RAB10: variants seen among roughly 807,000 people sequenced by gnomAD.
RAB10 encodes RAB10, member RAS oncogene family, also known as ras-related protein Rab-10.
A neutral mutation model predicts 25.7 loss-of-function variants in RAB10; 5 were observed. That is an observed-to-expected ratio of 0.19 (90% CI 0.10 to 0.41). The LOEUF is 0.41. RAB10 is among the 10% of genes least tolerant of loss of function. The pLI is 1.00. For missense variants in RAB10, 103 were observed against 245.8 expected, an observed-to-expected ratio of 0.42 and a Z score of 3.89; for synonymous variants, 89 against 86.4, an observed-to-expected ratio of 1.03 and a Z score of -0.16.
chr2:26,033,913 C>T (rs1665694675), upstream of RAB10, among the ~76,000 whole-genome samples: 1 of 152,198 alleles, frequency 6.6e-6, no homozygotes, highest in African/African-American at 2.4e-5. Context: ...GCGGCCTCGC[C>T]CTTTCTCGCC....
At chr2:26,086,025 G>GGA (rs1174537608) in intron 1 of RAB10, among the ~76,000 whole-genome samples, 1 of 136,168 alleles carries the variant, frequency 7.3e-6, no homozygotes, top group Non-Finnish European at 1.6e-5. Context: ...AAAGGGGGGG[G>GGA]GCAAAGGGGC....
At chr2:26,108,134 C>G (rs1179636574) in intron 2 of RAB10, among the ~76,000 whole-genome samples, 1 of 152,176 alleles carries the variant, frequency 6.6e-6, no homozygotes, top group East Asian at 1.9e-4. Flanking sequence ...CCATATTACC[C>G]ATAAATAACA....
chr2:26,064,471 G>T (rs965227587), intron 1 of RAB10, among the ~76,000 whole-genome samples: 4 of 151,862 alleles, frequency 2.6e-5, no homozygotes, highest in Non-Finnish European at 5.9e-5. Context: ...ACAGGGGTGT[G>T]CCACCACGCC....
intron 1 of RAB10, among the ~76,000 whole-genome samples, chr2:26,093,079 A>G (rs1170925527): frequency 6.6e-6 from 1 of 152,162 alleles, no homozygotes; most frequent in East Asian, 1.9e-4. Context: ...GGTTTTGTTG[A>G]AGGTTGGTGT....
intron 1 of RAB10, among the ~76,000 whole-genome samples, chr2:26,038,831 G>T (rs1259000813): frequency 6.6e-6 from 1 of 150,936 alleles, no homozygotes; most frequent in African/African-American, 2.4e-5. Context: ...CTGAGGCAGG[G>T]GAATGGCATG....
At chr2:26,119,751 T>C (rs1667763890) in intron 3 of RAB10, among the ~76,000 whole-genome samples, 1 of 152,196 alleles carries the variant, frequency 6.6e-6, no homozygotes, top group Non-Finnish European at 1.5e-5. Context: ...ATTCTTGGGC[T>C]CAAGCAATCT....
At chr2:26,115,204 C>T (rs1669672018) in intron 3 of RAB10, among the ~76,000 whole-genome samples, 1 of 152,038 alleles carries the variant, frequency 6.6e-6, no homozygotes, top group African/African-American at 2.4e-5. Flanking sequence ...GTTAAACATA[C>T]AGTTACCTTA....
In RAB10 at chr2:26,037,129, A is replaced by C. The variant is rs564473887; in HGVS notation, c.127+2394A>C. Among the ~76,000 whole-genome samples, 6 of 152,272 alleles carry C rather than the reference A, an allele frequency of 3.9e-5. No homozygotes were observed. In the East Asian group the frequency reaches 1.2e-3, roughly 29 times the overall value. On this transcript the variant is annotated intron_variant, in intron 1 of 5. Transcript: ENST00000264710. ...AACAGTGTGGAGTAGGAAGCAAAAC[A>C]TTAACTCTGTCTACTCCAATCTTTT... is the stretch of plus-strand genomic sequence containing the variant.
intron 1 of RAB10, among the ~76,000 whole-genome samples, chr2:26,039,474 G>A (rs1665837663): frequency 6.6e-6 from 1 of 151,622 alleles, no homozygotes; most frequent in Non-Finnish European, 1.5e-5. Flanking sequence ...AGCCTCCCTA[G>A]TAGCTGGGAT....
chr2:26,045,100 AG>A (rs1574525247), intron 1 of RAB10, among the ~76,000 whole-genome samples: 1 of 151,980 alleles, frequency 6.6e-6, no homozygotes, highest in African/African-American at 2.4e-5. Context: ...AGCGCATAAT[AG>A]AGAAGAGCCG....
At chr2:26,095,639 A>G (rs1474777581) in intron 1 of RAB10, among the ~76,000 whole-genome samples, 1 of 150,998 alleles carries the variant, frequency 6.6e-6, no homozygotes, top group East Asian at 1.9e-4. Flanking sequence ...GGTTGGACGC[A>G]GTGGCTCACG....
chr2:26,061,015 C>G (rs1666382107), intron 1 of RAB10, among the ~76,000 whole-genome samples: 2 of 144,204 alleles, frequency 1.4e-5, no homozygotes, highest in Admixed American at 6.9e-5. Flanking sequence ...TATAAAATAA[C>G]TTGATTTGCT....
chr2:26,061,155 C>A (rs904550011), intron 1 of RAB10, among the ~76,000 whole-genome samples: 1 of 139,994 alleles, frequency 7.1e-6, no homozygotes, highest in African/African-American at 2.7e-5. Context: ...GGCTCTGTCA[C>A]CTGGGCTGGA....
chr2:26,135,110 A>G lies in RAB10; in HGVS notation c.*89A>G. The G allele has an allele frequency of 1.9e-6, 2 of 1,039,446 alleles. No homozygotes were observed. Among genetic ancestry groups the G allele is most frequent in the South Asian group, 3.7e-5 (2 of 54,620 alleles). The allele number at this position is 1,039,446 out of a possible 1,614,324, so 64.4% of individuals were successfully genotyped here. A position where few individuals can be genotyped will look rare whatever the true frequency, so the allele number is the denominator to read the frequency against. ...CCACTCTGTCCATTTTTAACTCTAA[A>G]CAGATATTTTTGTTTCTCATCTTAA... On this transcript the variant is annotated 3_prime_UTR_variant, in exon 6 of 6. Transcript: ENST00000264710.
rs1325733722 is a variant in RAB10 at position 26,135,094 on chromosome 2, C to T, written c.*73C>T. On this transcript the variant is annotated 3_prime_UTR_variant, in exon 6 of 6. Coordinates refer to ENST00000264710, the MANE Select transcript of RAB10 (RefSeq NM_016131.5). ...CTTGCTGCAAAATAAACCACTCTGT[C>T]CATTTTTAACTCTAAACAGATATTT... The T allele has an allele frequency of 5.0e-6, 6 of 1,192,296 alleles. No homozygotes were observed. The African/African-American group carries it at 9.2e-5, about 18-fold the overall frequency. 73.9% of individuals were successfully genotyped at this position (1,192,296 alleles called of 1,614,324 possible). A position where few individuals can be genotyped will look rare whatever the true frequency, so the allele number is the denominator to read the frequency against.
At chr2:26,112,635 C>T (rs1209025557) in intron 3 of RAB10, among the ~76,000 whole-genome samples, 1 of 152,106 alleles carries the variant, frequency 6.6e-6, no homozygotes, top group Non-Finnish European at 1.5e-5. Context: ...TGGTGGTGTA[C>T]ACCTGTGGTC....
At chr2:26,117,191 A>C (rs183555718) in intron 3 of RAB10, among the ~76,000 whole-genome samples, 2 of 152,218 alleles carry the variant, frequency 1.3e-5, no homozygotes, top group African/African-American at 4.8e-5. Context: ...AGGGGGAGTT[A>C]TTATATGAAG....
intron 1 of RAB10, among the ~76,000 whole-genome samples, chr2:26,049,326 G>T (rs1337388784): frequency 6.6e-6 from 1 of 151,064 alleles, no homozygotes; most frequent in African/African-American, 2.4e-5. Flanking sequence ...CAGAGATTCT[G>T]TATGACCTGA....
intron 1 of RAB10, among the ~76,000 whole-genome samples, chr2:26,055,116 CA>C (rs1216178815): frequency 4.0e-5 from 6 of 151,686 alleles, no homozygotes; most frequent in African/African-American, 1.5e-4. Context: ...ATATGTTAGG[CA>C]CCCTCTACTA....
Sources: gnomAD v4.1 joint callset for allele counts (sites outside exome capture counted in the v4.1 genomes callset) on GRCh38, gnomAD v4.1.1 for gene constraint, MANE v1.5 for transcripts, NCBI Gene and HGNC (gene_info 2026-07-23, HGNC 2026-07-21) for gene names.